The following RBMS3 variants were observed in gnomAD, a reference collection of about 807,000 sequenced individuals.
RBMS3 encodes the protein RNA binding motif single stranded interacting protein 3, also known as RNA-binding motif, single-stranded-interacting protein 3.
A neutral mutation model predicts 66.8 loss-of-function variants in RBMS3; 27 were observed. That is an observed-to-expected ratio of 0.40 (90% CI 0.30 to 0.56). RBMS3 has a LOEUF of 0.56. Among genes scored for constraint, RBMS3 ranks in the 20% least tolerant of loss-of-function variants. The pLI, the probability that RBMS3 is intolerant of heterozygous loss-of-function variation, is 0.40. For missense variants in RBMS3, 513 were observed against 549.5 expected, an observed-to-expected ratio of 0.93 and a Z score of 0.66; for synonymous variants, 188 against 183.0, an observed-to-expected ratio of 1.03 and a Z score of -0.22.
At chr3:29,428,976 C>T (rs1402026539) in intron 1 of RBMS3, among the ~76,000 whole-genome samples, 1 of 152,130 alleles carries the variant, frequency 6.6e-6, no homozygotes, top group Non-Finnish European at 1.5e-5. Flanking sequence ...CCTGCTGATA[C>T]TTAGATGCTC....
chr3:29,773,134 C>T (rs1338733601), intron 6 of RBMS3, among the ~76,000 whole-genome samples: 1 of 151,800 alleles, frequency 6.6e-6, no homozygotes, highest in African/African-American at 2.4e-5. Flanking sequence ...TGGAGCTCCT[C>T]GAGGTTATAA....
chr3:29,685,220 A>G (rs922627523), intron 4 of RBMS3, among the ~76,000 whole-genome samples: 30 of 151,540 alleles, frequency 2.0e-4, no homozygotes, highest in African/African-American at 4.3e-4. Flanking sequence ...CACCACGCCC[A>G]GCTAATTTTT....
Position 29,647,009 on chromosome 3 carries a change from A to G in RBMS3, c.399+59804A>G, listed in dbSNP as rs571906671. Among the ~76,000 whole-genome samples, 6 of 152,008 alleles carry G rather than the reference A, an allele frequency of 3.9e-5. 1 individual carries two copies. The East Asian group carries it at 1.2e-3, about 29-fold the overall frequency. ...TTCTTTTCCCTTGAGACAGAGTCTC[A>G]CTCTGTTGCCCAGGCTGAAGTGCAG... On this transcript the variant is annotated intron_variant, in intron 4 of 14. Coordinates refer to ENST00000383767, the MANE Select transcript of RBMS3 (RefSeq NM_001003793.3).
intron 2 of RBMS3, among the ~76,000 whole-genome samples, chr3:29,455,912 G>T (rs1345769957): frequency 6.6e-6 from 1 of 152,118 alleles, no homozygotes; most frequent in Non-Finnish European, 1.5e-5. Flanking sequence ...CCATCACCTT[G>T]TTCTATCTCA....
intron 1 of RBMS3, among the ~76,000 whole-genome samples, chr3:29,340,420 T>C (rs2036216761): frequency 6.6e-6 from 1 of 152,146 alleles, no homozygotes; most frequent in South Asian, 2.1e-4. Flanking sequence ...TTTTGCAAAG[T>C]CTAATTTTAA....
At chr3:29,333,040 G>A (rs541320438) in intron 1 of RBMS3, among the ~76,000 whole-genome samples, 20 of 152,136 alleles carry the variant, frequency 1.3e-4, no homozygotes, top group Non-Finnish European at 2.9e-4. Flanking sequence ...AAAAATTTTA[G>A]AAACAGGAAA....
chr3:29,722,964 C>T (rs1314621363), intron 4 of RBMS3, among the ~76,000 whole-genome samples: 3 of 150,836 alleles, frequency 2.0e-5, no homozygotes, highest in African/African-American at 7.3e-5. Context: ...TTTACTCACT[C>T]TTTTTTTTTC....
intron 2 of RBMS3, among the ~76,000 whole-genome samples, chr3:29,478,182 A>G (rs575052897): frequency 6.6e-6 from 1 of 152,304 alleles, no homozygotes; most frequent in African/African-American, 2.4e-5. Context: ...GTGGTTTGGA[A>G]CTGTGCTTGC....
chr3:29,451,101 CT>C (rs1331454176), intron 2 of RBMS3, among the ~76,000 whole-genome samples: 2 of 152,204 alleles, frequency 1.3e-5, no homozygotes, highest in Non-Finnish European at 2.9e-5. Context: ...CAAATGTTAA[CT>C]GTTGGAATTA....
At chr3:29,501,273 T>C (rs530315732) in intron 3 of RBMS3, among the ~76,000 whole-genome samples, 1 of 152,348 alleles carries the variant, frequency 6.6e-6, no homozygotes, top group Admixed American at 6.5e-5. Context: ...GGACTATTAG[T>C]ACAACTAAGT....
intron 2 of RBMS3, among the ~76,000 whole-genome samples, chr3:29,443,406 G>C (rs904080383): frequency 4.6e-4 from 70 of 152,048 alleles, no homozygotes; most frequent in African/African-American, 1.6e-3. Context: ...GGATAAAAAT[G>C]ATATATGAAT....
intron 4 of RBMS3, among the ~76,000 whole-genome samples, chr3:29,628,747 C>T (rs1576394798): frequency 6.6e-6 from 1 of 152,068 alleles, no homozygotes; most frequent in African/African-American, 2.4e-5. Flanking sequence ...AAGATATTTT[C>T]ATATAGTTCC....
At chr3:29,330,202 T>C (rs1338958673) in intron 1 of RBMS3, among the ~76,000 whole-genome samples, 1 of 152,108 alleles carries the variant, frequency 6.6e-6, no homozygotes, top group Non-Finnish European at 1.5e-5. Flanking sequence ...AGTTTGAATA[T>C]ACCACTGTGT....
chr3:29,822,045 A>G (rs528865764), intron 6 of RBMS3, among the ~76,000 whole-genome samples: 1 of 152,294 alleles, frequency 6.6e-6, no homozygotes, highest in East Asian at 1.9e-4. Context: ...AAACTCAAAT[A>G]TATGATTTTA....
At chr3:29,704,372 C>T (rs9310908) in intron 4 of RBMS3, among the ~76,000 whole-genome samples, 19,435 of 152,192 alleles carry the variant, frequency 0.13, 2,699 homozygotes, top group African/African-American at 0.35. Flanking sequence ...AAGAAGGTTT[C>T]ATTGGATAAG....
intron 1 of RBMS3, among the ~76,000 whole-genome samples, chr3:29,341,401 T>C (rs943733919): frequency 3.3e-5 from 5 of 152,164 alleles, no homozygotes; most frequent in African/African-American, 9.6e-5. Flanking sequence ...TGAACACTTA[T>C]TTGTATTAAT....
chr3:29,800,558 T>A (rs1333606102), intron 6 of RBMS3, among the ~76,000 whole-genome samples: 1 of 152,186 alleles, frequency 6.6e-6, no homozygotes, highest in African/African-American at 2.4e-5. Flanking sequence ...CTATACATCA[T>A]AAAATCATCA....
In RBMS3 at chr3:30,005,265, C is replaced by G. The variant is rs1215173628; in HGVS notation, c.*1403C>G. On this transcript the variant is annotated 3_prime_UTR_variant, in exon 15 of 15. Coordinates refer to ENST00000383767, the MANE Select transcript of RBMS3 (RefSeq NM_001003793.3). ...AATGTGTATTCATTGATAGCAGAAG[C>G]TTGTACCTGCTGTGTTTAGCAGTTT... is the stretch of plus-strand genomic sequence containing the variant. 1.3e-5 allele frequency: 2 copies of G among 151,266 alleles called. No homozygotes were observed. The highest frequency in any genetic ancestry group is 3.0e-5 in the Non-Finnish European group (2 of 67,716). The allele number at this position is 151,266 out of a possible 1,614,324, so 9.4% of individuals were successfully genotyped here. A position where few individuals can be genotyped will look rare whatever the true frequency, so the allele number is the denominator to read the frequency against.
At chr3:29,956,218 G>A (rs534945426) in intron 12 of RBMS3, among the ~76,000 whole-genome samples, 3 of 151,998 alleles carry the variant, frequency 2.0e-5, no homozygotes, top group East Asian at 3.9e-4. Context: ...AATGGTGAGT[G>A]CTTGCTTTCT....
Sources: allele counts gnomAD v4.1 joint callset (sites outside exome capture counted in the v4.1 genomes callset), GRCh38; gene constraint gnomAD v4.1.1; transcripts MANE v1.5; gene names NCBI Gene and HGNC (gene_info 2026-07-23, HGNC 2026-07-21).